Variants in DGKB observed in about 807,000 individuals in gnomAD.
DGKB encodes the protein diacylglycerol kinase beta.
In DGKB, 67 loss-of-function variants were observed where a neutral mutation model predicts 114.3. The ratio of observed to expected loss-of-function variants is 0.59; its 90% CI spans 0.48 to 0.72. The LOEUF is 0.72. DGKB is among the 30% of genes least tolerant of loss of function. DGKB has a pLI of 0.00. For missense variants in DGKB, 907 were observed against 975.2 expected (o/e 0.93, Z 0.93); for synonymous variants, 398 against 323.1 (o/e 1.23, Z -2.49).
intron 23 of DGKB, among the ~76,000 whole-genome samples, chr7:14,309,357 C>T (rs1804996291): frequency 6.6e-6 from 1 of 152,182 alleles, no homozygotes; most frequent in African/African-American, 2.4e-5. Flanking sequence ...AAACACCACA[C>T]TGATTAATCA....
intron 23 of DGKB, among the ~76,000 whole-genome samples, chr7:14,205,242 G>A (rs1562609879): frequency 6.6e-6 from 1 of 151,864 alleles, no homozygotes; most frequent in African/African-American, 2.4e-5. Flanking sequence ...TGCCTCCCCG[G>A]ATGCATTCAC....
intron 20 of DGKB, among the ~76,000 whole-genome samples, chr7:14,548,422 T>C (rs751645004): frequency 1.7e-4 from 26 of 152,128 alleles, no homozygotes; most frequent in Non-Finnish European, 3.7e-4. Context: ...GAAAAGGCTT[T>C]TGGAGGGAAG....
At chr7:14,365,171 A>C (rs1384786844) in intron 21 of DGKB, among the ~76,000 whole-genome samples, 1 of 151,824 alleles carries the variant, frequency 6.6e-6, no homozygotes, top group African/African-American at 2.4e-5. Context: ...TGATATTTGG[A>C]GAATGAATAA....
At chr7:14,862,009 TATC>T (rs1851051825) in intron 1 of DGKB, among the ~76,000 whole-genome samples, 1 of 152,020 alleles carries the variant, frequency 6.6e-6, no homozygotes, top group Non-Finnish European at 1.5e-5. Flanking sequence ...TGATCCACAT[TATC>T]ATCAATACTT....
chr7:14,684,473 CT>C (rs1821345265), intron 10 of DGKB, among the ~76,000 whole-genome samples: 1 of 151,996 alleles, frequency 6.6e-6, no homozygotes, highest in Admixed American at 6.5e-5. Flanking sequence ...AATATCTACC[CT>C]TTTTTATCAG....
intron 21 of DGKB, among the ~76,000 whole-genome samples, chr7:14,381,284 T>C (rs547508002): frequency 6.6e-5 from 10 of 152,354 alleles, no homozygotes; most frequent in African/African-American, 2.4e-4. Flanking sequence ...ATGTGCTATG[T>C]GGGTCTCCAT....
chr7:14,828,226 T>G (rs972571210), intron 2 of DGKB, among the ~76,000 whole-genome samples: 2 of 152,022 alleles, frequency 1.3e-5, no homozygotes, highest in African/African-American at 4.8e-5. Context: ...TAAGAGCTGG[T>G]GGGAGTAATA....
At chr7:14,778,241 T>C (rs1838511082) in intron 2 of DGKB, among the ~76,000 whole-genome samples, 1 of 152,236 alleles carries the variant, frequency 6.6e-6, no homozygotes, top group South Asian at 2.1e-4. Flanking sequence ...ATTGTTATTT[T>C]ATCTGTAAAT....
chr7:14,228,863 T>G (rs1562677073), intron 23 of DGKB, among the ~76,000 whole-genome samples: 3 of 148,478 alleles, frequency 2.0e-5, no homozygotes, highest in African/African-American at 5.0e-5. Flanking sequence ...AAGCTTCAAC[T>G]ACCTAGCATC....
chr7:14,657,760 G>A (rs547364421), intron 13 of DGKB, among the ~76,000 whole-genome samples: 1 of 151,994 alleles, frequency 6.6e-6, no homozygotes, highest in Admixed American at 6.6e-5. Flanking sequence ...TAATATTACA[G>A]AGAATTCAAA....
intron 5 of DGKB, among the ~76,000 whole-genome samples, chr7:14,729,455 T>C (rs1205309966): frequency 6.6e-6 from 1 of 152,166 alleles, no homozygotes; most frequent in Non-Finnish European, 1.5e-5. Context: ...ACAGTAAATA[T>C]CAATTTATAA....
chr7:14,579,880 GC>G (rs1799673475), intron 19 of DGKB, among the ~76,000 whole-genome samples: 1 of 152,028 alleles, frequency 6.6e-6, no homozygotes, highest in African/African-American at 2.4e-5. Context: ...TTTAACAAGT[GC>G]CCCAGGGACT....
rs557583434 is a variant in DGKB at position 14,881,225 on chromosome 7, A to G, written c.-188+21367T>C. On this transcript the variant is annotated intron_variant, in intron 1 of 25. Coordinates refer to ENST00000402815, the MANE Select transcript of DGKB (RefSeq NM_001350709.2). ...GGTATTGTGATCATTACTTCAGTTC[A>G]ATGACTATTATTGAAGTTGAGCATC... 2.0e-5 allele frequency among the ~76,000 whole-genome samples: 3 copies of G among 152,238 alleles called. No homozygotes were observed. The South Asian group carries it at 6.2e-4, about 32-fold the overall frequency.
intron 21 of DGKB, among the ~76,000 whole-genome samples, chr7:14,432,775 C>G (rs1212931854): frequency 6.6e-6 from 1 of 152,108 alleles, no homozygotes; most frequent in East Asian, 1.9e-4. Context: ...TTTATTTTAT[C>G]TCCTCTATTT....
At chr7:14,423,548 A>T (rs1827050435) in intron 21 of DGKB, among the ~76,000 whole-genome samples, 1 of 152,092 alleles carries the variant, frequency 6.6e-6, no homozygotes, top group South Asian at 2.1e-4. Context: ...TTAACTGTGT[A>T]ATTACTGATT....
intron 14 of DGKB, among the ~76,000 whole-genome samples, chr7:14,623,964 G>T (rs1304387713): frequency 6.6e-6 from 1 of 152,088 alleles, no homozygotes; most frequent in Non-Finnish European, 1.5e-5. Flanking sequence ...TCAGAGTTGT[G>T]TAAGGTTTAA....
At chr7:14,162,794 GA>G (rs1234443069) in intron 25 of DGKB, among the ~76,000 whole-genome samples, 9 of 152,070 alleles carry the variant, frequency 5.9e-5, no homozygotes, top group East Asian at 1.9e-4. Flanking sequence ...GCTATGACAA[GA>G]AAAAAATCTT....
In DGKB at chr7:14,946,054, T is replaced by A. The variant is rs1251705108; in HGVS notation, c.-188+28642A>T. Among the ~76,000 whole-genome samples, 3 of 151,480 alleles carry A rather than the reference T, an allele frequency of 2.0e-5. No homozygotes were observed. The East Asian group carries it at 5.8e-4, about 29-fold the overall frequency. Reference sequence around the variant, plus strand: ...TATATATTAAACATCTAATGTATTATTTTGACATTAATAGATAAAATATTA... The same window carrying A: ...TATATATTAAACATCTAATGTATTAATTTGACATTAATAGATAAAATATTA... On this transcript the variant is annotated intron_variant, in intron 1 of 4. Transcript: ENST00000437998.
intron 20 of DGKB, among the ~76,000 whole-genome samples, chr7:14,540,873 C>A (rs189984695): frequency 6.6e-6 from 1 of 152,180 alleles, no homozygotes; most frequent in Non-Finnish European, 1.5e-5. Flanking sequence ...CTGATCAACA[C>A]TGTCTTCTTT....
Sources: allele counts gnomAD v4.1 joint callset (sites outside exome capture counted in the v4.1 genomes callset), GRCh38; gene constraint gnomAD v4.1.1; transcripts MANE v1.5; gene names NCBI Gene and HGNC (gene_info 2026-07-23, HGNC 2026-07-21).